CNOT10: variants seen among roughly 807,000 people sequenced by gnomAD.
The protein encoded by CNOT10 is CCR4-NOT transcription complex subunit 10, also known as CCR4-NOT transcription complex, subunit 10.
CNOT10 carries 30 observed loss-of-function variants against 94.6 expected under a neutral mutation model. The observed-to-expected ratio is 0.32, with a 90% CI of 0.24 to 0.43. The LOEUF is 0.43. CNOT10 is among the 20% of genes least tolerant of loss of function. The probability of loss-of-function intolerance (pLI) is 1.00; values close to 1 mark genes in which losing one functional copy is unlikely to be tolerated. For synonymous variants in CNOT10, 289 were observed against 301.6 expected, an observed-to-expected ratio of 0.96 and a Z score of 0.43; for missense variants, 759 against 877.2, an observed-to-expected ratio of 0.87 and a Z score of 1.70.
At chr3:32,731,567 C>T (rs551066943) in intron 10 of CNOT10, among the ~76,000 whole-genome samples, 9 of 152,236 alleles carry the variant, frequency 5.9e-5, no homozygotes, top group African/African-American at 2.2e-4. Context: ...CTCGACCTCC[C>T]TGGTGTCAAG....
At chr3:32,764,229 C>T (rs1277790921) in intron 15 of CNOT10, 1 of 487,472 alleles carries the variant, frequency 2.1e-6, no homozygotes, top group South Asian at 3.4e-5. Context: ...CCCAGCTACT[C>T]AGGAGGCTGA....
chr3:32,716,734 G>T (rs1698140887), intron 6 of CNOT10, among the ~76,000 whole-genome samples: 1 of 152,048 alleles, frequency 6.6e-6, no homozygotes, highest in African/African-American at 2.4e-5. Flanking sequence ...TGCAACCTCT[G>T]CCTCCCAGTT....
At chr3:32,760,744 A>G (rs1339282451) in intron 14 of CNOT10, among the ~76,000 whole-genome samples, 2 of 152,194 alleles carry the variant, frequency 1.3e-5, no homozygotes, top group East Asian at 3.8e-4. Flanking sequence ...CATTCATCGT[A>G]TAGGTGTATA....
intron 8 of CNOT10, among the ~76,000 whole-genome samples, chr3:32,722,713 C>T (rs1400082987): frequency 6.6e-6 from 1 of 150,598 alleles, no homozygotes; most frequent in African/African-American, 2.4e-5. Flanking sequence ...GGCGTGGTGG[C>T]TCACACCTAT....
rs11917466 is a variant in CNOT10 at position 32,766,564 on chromosome 3, T to C, written c.2004+1755T>C. On this transcript the variant is annotated intron_variant, in intron 17 of 18. Transcript: ENST00000328834. ...AGGAGAATGGCATGAACCCGGGAGG[T>C]GGAGCTTGCAGTGAGCCAAGATCGC... Among the ~76,000 whole-genome samples the C allele has an allele frequency of 2.6e-3, 22 of 8,450 alleles. 2 individuals carry two copies. The highest frequency in any genetic ancestry group is 5.2e-3 in the Admixed American group (3 of 582). The allele number at this position is 8,450 out of a possible 152,430, so 5.5% of individuals were successfully genotyped here.
At chr3:32,715,972 A>G (rs1319254773) in intron 5 of CNOT10, 5 of 299,224 alleles carry the variant, frequency 1.7e-5, no homozygotes, top group African/African-American at 1.1e-4. Flanking sequence ...ATGCCCAGCT[A>G]ATTTTTGTAT....
chr3:32,720,137 A>G lies in CNOT10; in HGVS notation c.768A>G (p.Lys256=). ...AGTCCGCACCCTCTCTCTTTCTTAAAAGCAATTTTGAGTACTTAAGAGGTA... is the reference window on the plus strand; with the variant it reads ...AGTCCGCACCCTCTCTCTTTCTTAAGAGCAATTTTGAGTACTTAAGAGGTA... ...AGNSAPSLFL[K]SNFEYLRGNY... Residue 256 remains lysine (K), a synonymous_variant, in exon 8 of 19, where the codon AAA becomes AAG. Coordinates refer to ENST00000328834, the MANE Select transcript of CNOT10 (RefSeq NM_015442.3). 1 of 1,535,386 alleles carries G rather than the reference A, an allele frequency of 6.5e-7. No individual in the cohort carries two copies. The highest frequency in any genetic ancestry group is 8.9e-7 in the Non-Finnish European group (1 of 1,124,246).
At chr3:32,766,600 T>A (rs1020375618) in intron 17 of CNOT10, among the ~76,000 whole-genome samples, 1 of 111,492 alleles carries the variant, frequency 9.0e-6, no homozygotes, top group Non-Finnish European at 1.8e-5. Flanking sequence ...GCCACTGCAC[T>A]CCAGCCCGGG....
intron 1 of CNOT10, among the ~76,000 whole-genome samples, chr3:32,697,473 T>G (rs1030590685): frequency 4.6e-5 from 7 of 151,924 alleles, no homozygotes; most frequent in Admixed American, 4.6e-4. Context: ...TCATATCTTT[T>G]ATTATTATTA....
chr3:32,753,503 G>A (rs1165606601), intron 13 of CNOT10: 4 of 1,566,994 alleles, frequency 2.6e-6, no homozygotes, highest in Middle Eastern at 1.7e-4. Flanking sequence ...CCAGAACAGA[G>A]CACATTTAAA....
chr3:32,745,288 A>T (rs1237548253), intron 13 of CNOT10, among the ~76,000 whole-genome samples: 1 of 151,658 alleles, frequency 6.6e-6, no homozygotes, highest in Non-Finnish European at 1.5e-5. Flanking sequence ...TTAAAAAATT[A>T]TTGTAGTTTT....
intron 4 of CNOT10, among the ~76,000 whole-genome samples, chr3:32,712,168 T>G (rs1415035109): frequency 1.3e-5 from 2 of 151,662 alleles, no homozygotes; most frequent in South Asian, 2.1e-4. Flanking sequence ...TGTTTGTTTT[T>G]TTTTTTTTTC....
At chr3:32,715,477 T>C (rs1435778946) in intron 5 of CNOT10, among the ~76,000 whole-genome samples, 4 of 151,806 alleles carry the variant, frequency 2.6e-5, no homozygotes, top group African/African-American at 9.7e-5. Flanking sequence ...GCAATATGAG[T>C]GTGAGTGATA....
At chr3:32,685,824 G>GCA (rs1696570277) in intron 1 of CNOT10, among the ~76,000 whole-genome samples, 1 of 152,188 alleles carries the variant, frequency 6.6e-6, no homozygotes, top group Non-Finnish European at 1.5e-5. Context: ...TCACCCTGGA[G>GCA]CACACATCTG....
chr3:32,723,221 G>A (rs924535717), intron 8 of CNOT10, among the ~76,000 whole-genome samples: 5 of 151,766 alleles, frequency 3.3e-5, no homozygotes, highest in Admixed American at 1.3e-4. Flanking sequence ...GTGAAACCCC[G>A]TCTCTACTAA....
chr3:32,688,986 C>G (rs1231847152), intron 1 of CNOT10, among the ~76,000 whole-genome samples: 1 of 151,438 alleles, frequency 6.6e-6, no homozygotes, highest in Non-Finnish European at 1.5e-5. Context: ...TGGCAGATCA[C>G]GAGGTCAAGA....
At chr3:32,758,743 T>A (rs1401272466) in intron 13 of CNOT10, among the ~76,000 whole-genome samples, 4 of 152,224 alleles carry the variant, frequency 2.6e-5, no homozygotes, top group Non-Finnish European at 5.9e-5. Flanking sequence ...CAGACTTGTT[T>A]TAAATGAGCT....
In CNOT10 at chr3:32,685,357, G is replaced by C. The variant is rs763128754; in HGVS notation, c.-104G>C. The C allele has an allele frequency of 7.2e-7, 1 of 1,384,636 alleles. No individual in the cohort carries two copies. Among genetic ancestry groups the C allele is most frequent in the Non-Finnish European group, 1.0e-6 (1 of 999,622 alleles). 85.8% of individuals were successfully genotyped at this position (1,384,636 alleles called of 1,614,324 possible). A position where few individuals can be genotyped will look rare whatever the true frequency, so the allele number is the denominator to read the frequency against. On this transcript the variant is annotated 5_prime_UTR_variant, in exon 1 of 19. Transcript: ENST00000328834. ...CCGGAACCTGGGGGCCCGGAGCCGGGGTAGGCACAGAGTTGTCCTCGGAGG... is the reference window on the plus strand; with the variant it reads ...CCGGAACCTGGGGGCCCGGAGCCGGCGTAGGCACAGAGTTGTCCTCGGAGG...
rs71630535 is a variant in CNOT10, at chr3:32,702,097, CT to C, written c.23-1756del. The stretch of plus-strand genomic sequence containing the variant: ...ACGGGCGTGAGCCACCACACCTGGC[CT>C]TTTTTTTTTTTTTTCTCAAGACAGT... On this transcript the variant is annotated intron_variant, in intron 1 of 18. Coordinates refer to ENST00000328834, the MANE Select transcript of CNOT10 (RefSeq NM_015442.3). 1.7e-3 allele frequency among the ~76,000 whole-genome samples: 231 copies of C among 138,152 alleles called. 2 individuals are homozygous for C. Among genetic ancestry groups the C allele is most frequent in the Middle Eastern group, 0.012 (3 of 252 alleles). The allele number at this position is 138,152 out of a possible 152,430, so 90.6% of individuals were successfully genotyped here.
Sources: gnomAD v4.1 joint callset for allele counts (sites outside exome capture counted in the v4.1 genomes callset) on GRCh38, gnomAD v4.1.1 for gene constraint, MANE v1.5 for transcripts, NCBI Gene and HGNC (gene_info 2026-07-23, HGNC 2026-07-21) for gene names.